TTC34: variants seen among roughly 807,000 people sequenced by gnomAD.
TTC34 encodes tetratricopeptide repeat protein 34.
Under a neutral mutation model 40.7 loss-of-function variants are expected in TTC34, and 44 were observed. The observed-to-expected ratio is 1.08, with a 90% confidence interval of 0.85 to 1.39. TTC34 has a LOEUF of 1.39. TTC34 is among the 40% of genes most tolerant of loss of function. The pLI is 0.00. For synonymous variants in TTC34, 422 were observed against 398.6 expected (o/e 1.06, Z -0.70); for missense variants, 884 against 838.0 (o/e 1.05, Z -0.68).
intron 6 of TTC34, among the ~76,000 whole-genome samples, chr1:2,696,395 A>G (rs368889539): frequency 5.5e-4 from 5 of 9,022 alleles, no homozygotes; most frequent in Non-Finnish European, 6.7e-4. Flanking sequence ...GCAGCACCCT[A>G]CACCCCCAGG....
chr1:2,784,990 T>TGCTCCGGGCC (rs1553170480), intron 5 of TTC34, among the ~76,000 whole-genome samples: 5 of 150,838 alleles, frequency 3.3e-5, no homozygotes, highest in Non-Finnish European at 7.4e-5. Context: ...CGCTCTGGGC[T>TGCTCCGGGCC]GCTCTGGGCC....
rs1395807100 is a variant in TTC34 at position 2,645,180 on chromosome 1, G to A, written c.2497+113C>T. The A allele has an allele frequency of 7.9e-7, 1 of 1,262,056 alleles. No homozygotes were observed. The highest frequency in any genetic ancestry group is 1.0e-6 in the Non-Finnish European group (1 of 975,208). The allele number at this position is 1,262,056 out of a possible 1,614,324, so 78.2% of individuals were successfully genotyped here. ...ATTTGGGGTGGAAGGGACCTTGGAA[G>A]CTGTTGTGGTCCGGGTCTCTTTCTT... On this transcript the variant is annotated intron_variant, in intron 7 of 8. Coordinates refer to ENST00000401095, the Ensembl canonical transcript of TTC34. The surrounding 1 kb of genome is among the most constrained non-coding windows in gnomAD (Gnocchi z 4.7).
chr1:2,783,087 T>C (rs1446290377), intron 6 of TTC34, among the ~76,000 whole-genome samples: 1 of 152,160 alleles, frequency 6.6e-6, no homozygotes. Context: ...CAGAAGAAAG[T>C]CTTAAATGCA....
intron 6 of TTC34, among the ~76,000 whole-genome samples, chr1:2,675,108 GC>G (rs1639852501): frequency 2.6e-3 from 3 of 1,162 alleles, no homozygotes; most frequent in Admixed American, 0.012. Flanking sequence ...ACAGCCTGGA[GC>G]AGTGCCCACA....
exon 9 of TTC34, chr1:2,638,879 C>T (rs558721894): frequency 6.6e-6 from 1 of 152,384 alleles, no homozygotes; most frequent in Admixed American, 6.5e-5. Context: ...TCTGGACTGC[C>T]CCAACAGAAT....
intron 6 of TTC34, among the ~76,000 whole-genome samples, chr1:2,753,441 G>C (rs1641394185): frequency 1.6e-5 from 2 of 123,914 alleles, no homozygotes; most frequent in Admixed American, 8.0e-5. Flanking sequence ...TGACAGCCTG[G>C]AACAGCAGCC....
intron 6 of TTC34, among the ~76,000 whole-genome samples, chr1:2,648,005 G>GTTT (rs57209476): frequency 6.9e-6 from 1 of 145,322 alleles, no homozygotes; most frequent in African/African-American, 2.5e-5. Context: ...GATTATTACT[G>GTTT]TTTTTTTTTT....
In TTC34 at chr1:2,768,121, T is replaced by C. The variant is rs569215133; in HGVS notation, c.2226+15488A>G. ...GTGTCTGACAGCCTAGAGCGGCACC[T>C]GCACACTTAGGTAAGAATCTGAAAG... On this transcript the variant is annotated intron_variant, in intron 6 of 8. Coordinates refer to ENST00000401095, the Ensembl canonical transcript of TTC34. 1.7e-3 allele frequency among the ~76,000 whole-genome samples: 251 copies of C among 151,240 alleles called. 5 individuals are homozygous for C. The highest frequency in any genetic ancestry group is 5.8e-3 in the African/African-American group (240 of 41,264).
rs750327662 is a variant in TTC34 at position 2,645,527 on chromosome 1, C to T, written c.2263G>A (p.Gly755Ser). 70 of 1,278,990 alleles carry T rather than the reference C, an allele frequency of 5.5e-5. 2 individuals carry two copies. The South Asian group carries it at 6.8e-4, about 12-fold the overall frequency. 79.2% of individuals were successfully genotyped at this position (1,278,990 alleles called of 1,614,324 possible). A position where few individuals can be genotyped will look rare whatever the true frequency, so the allele number is the denominator to read the frequency against. Residue 755 changes from glycine (G) to serine (S), a missense_variant, in exon 7 of 9, where the codon GGC becomes AGC. Gly to Ser is a moderately conservative substitution (Grantham distance 56). Transcript: ENST00000401095. This position sits in a 1 kb window ranked among gnomAD's most constrained non-coding sequence, Gnocchi z 4.7. Reference sequence around the variant, plus strand: ...AGCTCAGGGACCACAGTCCCGGGGCCGAGCTTCAGAGCAGAGACGATGTCG... The same window carrying T: ...AGCTCAGGGACCACAGTCCCGGGGCTGAGCTTCAGAGCAGAGACGATGTCG...
At chr1:2,750,207 C>T (rs1443862728) in intron 6 of TTC34, among the ~76,000 whole-genome samples, 1 of 148,938 alleles carries the variant, frequency 6.7e-6, no homozygotes, top group Non-Finnish European at 1.5e-5. Context: ...CCCACACCCC[C>T]AGGTGCGCAT....
intron 6 of TTC34, among the ~76,000 whole-genome samples, chr1:2,649,326 A>G (rs1639080204): frequency 1.3e-5 from 2 of 152,010 alleles, no homozygotes; most frequent in African/African-American, 2.4e-5. Flanking sequence ...ATGACAACCC[A>G]CATAAGCATC....
intron 6 of TTC34, among the ~76,000 whole-genome samples, chr1:2,764,174 C>G (rs1234109348): frequency 6.7e-6 from 1 of 148,182 alleles, no homozygotes; most frequent in East Asian, 2.0e-4. Context: ...TAAAACAGCA[C>G]CCTGCAACCC....
At chr1:2,785,787 C>A in intron 5 of TTC34, 32 bp downstream of exon 5, 1 of 1,534,886 alleles carries the variant, frequency 6.5e-7, no homozygotes, top group South Asian at 1.2e-5. Context: ...TGGCACAAGA[C>A]TGGGCCCTGG....
chr1:2,652,684 A>AG, intron 6 of TTC34, among the ~76,000 whole-genome samples: 1 of 143,108 alleles, frequency 7.0e-6, no homozygotes. Context: ...AGCAGCCCAC[A>AG]CCCACAGGTG....
At chr1:2,651,752 C>G (rs1335103433) in intron 6 of TTC34, among the ~76,000 whole-genome samples, 1 of 151,942 alleles carries the variant, frequency 6.6e-6, no homozygotes, top group Non-Finnish European at 1.5e-5. Context: ...CAACCTAGAA[C>G]AGCACCCTCC....
intron 6 of TTC34, among the ~76,000 whole-genome samples, chr1:2,651,393 C>T (rs1278044104): frequency 1.3e-5 from 2 of 152,002 alleles, no homozygotes; most frequent in Non-Finnish European, 2.9e-5. Flanking sequence ...CAGCATTCTC[C>T]AGCCCCAGGT....
At chr1:2,689,956 C>A (rs1172697054) in intron 6 of TTC34, among the ~76,000 whole-genome samples, 1 of 124,658 alleles carries the variant, frequency 8.0e-6, no homozygotes. Flanking sequence ...GAGCATCTGA[C>A]AGCATGTAAC....
chr1:2,698,510 TGAAGCAGCACCCCACACCCCCAGG>T (rs1640972266), intron 6 of TTC34, among the ~76,000 whole-genome samples: 8 of 140,712 alleles, frequency 5.7e-5, no homozygotes, highest in East Asian at 4.0e-4. Flanking sequence ...TCTGACAGCC[TGAAGCAGCACCCCACACCCCCAGG>T]TGAGCATCGG....
In TTC34 at chr1:2,645,587, G is replaced by GCC; in HGVS notation, c.2227-25_2227-24insGG. ...TCCTGCAAGGAGGGAGGGCGGGCGG[G>GCC]TGCAGAGTTGTCCTAAGTAGAGAAA... On this transcript the variant is annotated intron_variant, in intron 6 of 8. Transcript: ENST00000401095. This position sits in a 1 kb window ranked among gnomAD's most constrained non-coding sequence, Gnocchi z 4.7. 50 of 229,482 alleles carry GCC rather than the reference G, an allele frequency of 2.2e-4. No individual in the cohort carries two copies. Among genetic ancestry groups the GCC allele is most frequent in the Non-Finnish European group, 3.7e-4 (43 of 116,408 alleles). 14.2% of individuals were successfully genotyped at this position (229,482 alleles called of 1,614,324 possible).
Sources: allele counts gnomAD v4.1 joint callset (sites outside exome capture counted in the v4.1 genomes callset), GRCh38; gene constraint gnomAD v4.1.1; non-coding constraint Gnocchi (gnomAD v3.1); transcripts MANE v1.5; gene names NCBI Gene and HGNC (gene_info 2026-07-23, HGNC 2026-07-21).